SHISA9: variants seen among roughly 807,000 people sequenced by gnomAD.
SHISA9 encodes protein shisa-9.
SHISA9 carries 13 observed loss-of-function variants against 38.0 expected under a neutral mutation model. The observed-to-expected ratio is 0.34, with a 90% CI of 0.22 to 0.54. The LOEUF (loss-of-function observed/expected upper bound fraction) is 0.54. SHISA9 is among the 20% of genes least tolerant of loss of function. The pLI is 0.91. For synonymous variants in SHISA9, 275 were observed against 242.0 expected (o/e 1.14, Z -1.27); for missense variants, 538 against 575.8 (o/e 0.93, Z 0.67).
chr16:13,047,124 G>A (rs1028338488), intron 2 of SHISA9, among the ~76,000 whole-genome samples: 1 of 152,120 alleles, frequency 6.6e-6, no homozygotes, highest in Non-Finnish European at 1.5e-5. Context: ...TATTCCTTAA[G>A]GGTCTCCCCA....
the SHISA9 span, among the ~76,000 whole-genome samples, chr16:13,484,088 T>A: frequency 2.0e-5 from 3 of 152,100 alleles, no homozygotes; most frequent in Non-Finnish European, 4.4e-5. Flanking sequence ...TGGCATCTGA[T>A]GCTATCTCCA....
At chr16:13,483,324 G>C in the SHISA9 span, among the ~76,000 whole-genome samples, 1 of 152,154 alleles carries the variant, frequency 6.6e-6, no homozygotes, top group East Asian at 1.9e-4. Context: ...ATACTGGCAT[G>C]CACCCCCAAG....
chr16:13,186,744 C>T (rs370304644), intron 2 of SHISA9, among the ~76,000 whole-genome samples: 6 of 152,268 alleles, frequency 3.9e-5, no homozygotes, highest in African/African-American at 1.4e-4. Context: ...TTCTCCAGCC[C>T]CTGGTAACCA....
the SHISA9 span, among the ~76,000 whole-genome samples, chr16:13,432,959 A>T: frequency 6.6e-6 from 1 of 152,152 alleles, no homozygotes; most frequent in Non-Finnish European, 1.5e-5. Context: ...AAAATAACTA[A>T]TGGGTACTAG....
At chr16:13,476,029 C>G in the SHISA9 span, among the ~76,000 whole-genome samples, 1 of 152,188 alleles carries the variant, frequency 6.6e-6, no homozygotes, top group African/African-American at 2.4e-5. Context: ...GGCCCATTTC[C>G]TAACAGGCTA....
At chr16:13,252,498 C>T in the SHISA9 span, among the ~76,000 whole-genome samples, 10 of 152,288 alleles carry the variant, frequency 6.6e-5, no homozygotes, top group African/African-American at 2.2e-4. Flanking sequence ...GAGAAACCCC[C>T]AGGACCCTTC....
intron 2 of SHISA9, among the ~76,000 whole-genome samples, chr16:13,077,521 C>T (rs1207971536): frequency 6.6e-5 from 10 of 152,110 alleles, no homozygotes; most frequent in African/African-American, 2.2e-4. Context: ...ATAAAAATGA[C>T]CCCTGAGGTC....
chr16:13,539,807 G>A, the SHISA9 span, among the ~76,000 whole-genome samples: 1 of 152,036 alleles, frequency 6.6e-6, no homozygotes, highest in Non-Finnish European at 1.5e-5. Context: ...GTGTCCATGT[G>A]TACTCAGTGT....
chr16:13,111,596 A>G (rs892471527), intron 2 of SHISA9, among the ~76,000 whole-genome samples: 2 of 152,224 alleles, frequency 1.3e-5, no homozygotes, highest in Non-Finnish European at 2.9e-5. Flanking sequence ...CAGAGTAAAC[A>G]TTAACTATCA....
chr16:13,459,907 T>C, the SHISA9 span, among the ~76,000 whole-genome samples: 7 of 152,208 alleles, frequency 4.6e-5, no homozygotes, highest in East Asian at 1.2e-3. Flanking sequence ...AAGCTTTATA[T>C]GATTATGAAT....
intron 4 of SHISA9, among the ~76,000 whole-genome samples, chr16:13,218,796 G>T (rs1227867729): frequency 6.6e-6 from 1 of 152,186 alleles, no homozygotes; most frequent in Non-Finnish European, 1.5e-5. Context: ...AAATGCTCAT[G>T]CAGGAGGCAC....
At chr16:13,262,643 A>G in the SHISA9 span, among the ~76,000 whole-genome samples, 1 of 74,042 alleles carries the variant, frequency 1.4e-5, no homozygotes, top group South Asian at 5.5e-4. Flanking sequence ...GAAGGAAGGA[A>G]GGAAGGAAGG....
chr16:12,970,493 ATATATTTTTTTTT>A (rs1338279841), intron 2 of SHISA9, among the ~76,000 whole-genome samples: 4 of 30,376 alleles, frequency 1.3e-4, no homozygotes, highest in East Asian at 8.6e-4. Flanking sequence ...ATATATATAT[ATATATTTTTTTTT>A]TTTTTTTTTT....
chr16:13,117,861 A>T (rs1360463844), intron 2 of SHISA9, among the ~76,000 whole-genome samples: 1 of 152,162 alleles, frequency 6.6e-6, no homozygotes, highest in Non-Finnish European at 1.5e-5. Flanking sequence ...TTTGCATATT[A>T]TAGGTGCTTA....
chr16:13,136,709 C>T (rs1249624967), intron 2 of SHISA9, among the ~76,000 whole-genome samples: 1 of 152,054 alleles, frequency 6.6e-6, no homozygotes, highest in Non-Finnish European at 1.5e-5. Context: ...CAATTTCCTT[C>T]CTTAATAGGT....
chr16:13,421,088 G>C, the SHISA9 span, among the ~76,000 whole-genome samples: 1 of 152,126 alleles, frequency 6.6e-6, no homozygotes. Context: ...AGTGATCCTT[G>C]GCCCTTTCCC....
chr16:12,957,952 G>A (rs2071858561), intron 2 of SHISA9, among the ~76,000 whole-genome samples: 1 of 152,164 alleles, frequency 6.6e-6, no homozygotes, highest in Non-Finnish European at 1.5e-5. Context: ...CCTTATTTAA[G>A]CCTAATGACC....
chr16:13,541,331 C>T, the SHISA9 span, among the ~76,000 whole-genome samples: 1 of 152,094 alleles, frequency 6.6e-6, no homozygotes, highest in South Asian at 2.1e-4. Context: ...AATGGGAACC[C>T]AGCCTAAAGA....
intron 2 of SHISA9, among the ~76,000 whole-genome samples, chr16:13,194,816 T>C (rs1393396699): frequency 6.6e-6 from 1 of 152,182 alleles, no homozygotes; most frequent in Non-Finnish European, 1.5e-5. Context: ...AGGATATGGG[T>C]TAACAATTCT....
Sources: allele counts gnomAD v4.1 joint callset (sites outside exome capture counted in the v4.1 genomes callset), GRCh38; gene constraint gnomAD v4.1.1; transcripts MANE v1.5; gene names NCBI Gene and HGNC (gene_info 2026-07-23, HGNC 2026-07-21).